Variants in ABCA3 observed in about 807,000 individuals in gnomAD.
ABCA3 encodes ATP binding cassette subfamily A member 3.
Under a neutral mutation model 172.8 loss-of-function variants are expected in ABCA3, and 88 were observed. The observed-to-expected ratio is 0.51, with a 90% CI of 0.43 to 0.61. The LOEUF is 0.61. ABCA3 is among the 20% of genes least tolerant of loss of function. The pLI is 0.00. For missense variants in ABCA3, 2,164 were observed against 2,301.0 expected (o/e 0.94, Z 1.22); for synonymous variants, 1,066 against 983.8 (o/e 1.08, Z -1.56).
At position 2,287,017 on chromosome 16, in the gene ABCA3, G is replaced by A. The variant is rs766061298; in HGVS notation, c.3005-50C>T. 1.5e-5 allele frequency: 24 copies of A among 1,585,382 alleles called. No homozygotes were observed. Among genetic ancestry groups the A allele is most frequent in the East Asian group, 6.9e-5 (3 of 43,622 alleles). On this transcript the variant is annotated intron_variant, in intron 21 of 32. Coordinates refer to ENST00000301732, the MANE Select transcript of ABCA3 (RefSeq NM_001089.3). This position sits in a 1 kb window ranked among gnomAD's most constrained non-coding sequence, Gnocchi z 4.1. Reference sequence around the variant, plus strand: ...GGACACAGGAAGAGGTGACACCTGGGCACCCCCTGCCACCTGAGCATGGCT... The same window carrying A: ...GGACACAGGAAGAGGTGACACCTGGACACCCCCTGCCACCTGAGCATGGCT...
chr16:2,280,106 C>T (rs2093652762), intron 28 of ABCA3, among the ~76,000 whole-genome samples: 1 of 152,200 alleles, frequency 6.6e-6, no homozygotes, highest in African/African-American at 2.4e-5. Flanking sequence ...TTGGCTACTA[C>T]CCCCTGCCAC....
At position 2,279,800 on chromosome 16, in the gene ABCA3, G is replaced by A. The variant is rs943719039; in HGVS notation, c.4360-670C>T. On this transcript the variant is annotated intron_variant, in intron 28 of 32. Coordinates refer to ENST00000301732, the MANE Select transcript of ABCA3 (RefSeq NM_001089.3). The surrounding 1 kb of genome is among the most constrained non-coding windows in gnomAD (Gnocchi z 4.4). ...TCTGTCTCCCTTACACTGGTAGAGCGCAGTGGCATGATCTCGGCTCACTAC... is the reference window on the plus strand; with the variant it reads ...TCTGTCTCCCTTACACTGGTAGAGCACAGTGGCATGATCTCGGCTCACTAC... Among the ~76,000 whole-genome samples the A allele has an allele frequency of 2.7e-5, 4 of 150,608 alleles. No homozygotes were observed. Among genetic ancestry groups the A allele is most frequent in the Admixed American group, 6.6e-5 (1 of 15,114 alleles).
At chr16:2,304,425 G>C (rs1184936068) in intron 11 of ABCA3, among the ~76,000 whole-genome samples, 1 of 150,776 alleles carries the variant, frequency 6.6e-6, no homozygotes, top group Non-Finnish European at 1.5e-5. Flanking sequence ...ATGCACATAT[G>C]TACACACGTA....
Position 2,277,220 on chromosome 16 carries a change from C to T in ABCA3, c.4983+377G>A, listed in dbSNP as rs45456192. On this transcript the variant is annotated intron_variant, in intron 32 of 32. Transcript: ENST00000301732. This position sits in a 1 kb window ranked among gnomAD's most constrained non-coding sequence, Gnocchi z 5.3. ...AAGCGATCCTCCCACCTTAGCCTCC[C>T]GAGTGGCTGGGACTACAGGTATGCA... is the stretch of plus-strand genomic sequence containing the variant. 7.8e-3 allele frequency among the ~76,000 whole-genome samples: 1,184 copies of T among 152,210 alleles called. 11 individuals carry two copies. The highest frequency in any genetic ancestry group is 0.027 in the African/African-American group (1,103 of 41,526).
rs528342610 is a variant in ABCA3 at position 2,319,564 on chromosome 16, C to G, written c.873+17G>C. ...GCGCGGTTTCTAGAGTGTTGGGGAG[C>G]CAAAGCGGGCAGTCACCTTCAGCCT... On this transcript the variant is annotated intron_variant, in intron 8 of 32. Coordinates refer to ENST00000301732, the MANE Select transcript of ABCA3 (RefSeq NM_001089.3). The G allele has an allele frequency of 6.2e-7, 1 of 1,608,142 alleles. No homozygotes were observed. The highest frequency in any genetic ancestry group is 8.5e-7 in the Non-Finnish European group (1 of 1,179,808).
rs1260446825 is a variant in ABCA3, at chr16:2,287,935, C to T, written c.3004+91G>A. 3.3e-6 allele frequency: 5 copies of T among 1,510,262 alleles called. No individual in the cohort carries two copies. In the Admixed American group the frequency reaches 8.6e-5, roughly 26 times the overall value. The allele number at this position is 1,510,262 out of a possible 1,614,324, so 93.6% of individuals were successfully genotyped here. On this transcript the variant is annotated intron_variant, in intron 21 of 32. Transcript: ENST00000301732. The surrounding 1 kb of genome is among the most constrained non-coding windows in gnomAD (Gnocchi z 4.1). ...CGGAACAGCCAAGAACCATCCTCCC[C>T]AGATGTCGACCCTGCTGCAGTCAGG... is the stretch of plus-strand genomic sequence containing the variant.
Position 2,309,095 on chromosome 16 carries a change from G to A in ABCA3, c.1112-472C>T, listed in dbSNP as rs550483539. Among the ~76,000 whole-genome samples, 52 of 152,224 alleles carry A rather than the reference G, an allele frequency of 3.4e-4. No individual in the cohort carries two copies. The Middle Eastern group carries it at 0.01, about 30-fold the overall frequency. ...TGAGTAGCTGGGACTACAGGTGCCC[G>A]CCACCACGCCCGGCTAATTTTTTGT... On this transcript the variant is annotated intron_variant, in intron 10 of 32. Transcript: ENST00000301732.
intron 11 of ABCA3, among the ~76,000 whole-genome samples, chr16:2,306,746 C>T (rs369598555): frequency 4.6e-5 from 7 of 151,922 alleles, no homozygotes; most frequent in East Asian, 1.9e-4. Context: ...AAAAAGTGGG[C>T]GGCTCACGCC....
In ABCA3 at chr16:2,306,349, G is replaced by T. The variant is rs1243029212; in HGVS notation, c.1285+2101C>A. 4.6e-5 allele frequency among the ~76,000 whole-genome samples: 7 copies of T among 152,204 alleles called. No individual in the cohort carries two copies. The South Asian group carries it at 1.5e-3, about 32-fold the overall frequency. On this transcript the variant is annotated intron_variant, in intron 11 of 32. Transcript: ENST00000301732. Reference sequence around the variant, plus strand: ...CCAAAAAAAAATTGTTAAAAAGAAAGCAAAAGAACAAAGTTTACATTTTAT... The same window carrying T: ...CCAAAAAAAAATTGTTAAAAAGAAATCAAAAGAACAAAGTTTACATTTTAT...
intron 10 of ABCA3, among the ~76,000 whole-genome samples, chr16:2,312,788 T>A (rs534771987): frequency 1.1e-3 from 168 of 151,316 alleles, no homozygotes; most frequent in Middle Eastern, 3.4e-3. Context: ...CGCCTCGGCC[T>A]CCCAAAGTGC....
At position 2,319,685 on chromosome 16, in the gene ABCA3, C is replaced by A. The variant is rs760756969; in HGVS notation, c.769G>T (p.Val257Leu). The stretch of plus-strand genomic sequence containing the variant: ...AGGGGCAGCTGGTACTGGATGGCCA[C>A]GAGGAAGGGGTCTGCGATGAACGGC... Reference protein sequence around the residue: ...YPPFIADPFLVAIQYQLPLLL... With the variant: ...YPPFIADPFLLAIQYQLPLLL... Residue 257 changes from valine to leucine, a missense_variant, in exon 8 of 33, where the codon GTG (valine) becomes TTG (leucine). By Grantham distance (32) the Val-to-Leu change is conservative (BLOSUM62 1). This residue lies in a region of ABCA3 where 1,343 missense variants were observed against 1,369.6 expected (regional missense o/e 0.98). Coordinates refer to ENST00000301732, the MANE Select transcript of ABCA3 (RefSeq NM_001089.3). 2.8e-5 allele frequency: 45 copies of A among 1,613,742 alleles called. No individual in the cohort carries two copies. Among genetic ancestry groups the A allele is most frequent in the Non-Finnish European group, 3.7e-5 (44 of 1,179,976 alleles).
At chr16:2,334,515 ATT>A (rs35067281) in intron 1 of ABCA3, among the ~76,000 whole-genome samples, 97 of 140,606 alleles carry the variant, frequency 6.9e-4, no homozygotes, top group Middle Eastern at 3.7e-3. Flanking sequence ...AACACCAGTA[ATT>A]TTTTTTTTTT....
chr16:2,279,401 G>C lies in ABCA3; in HGVS notation c.4360-271C>G, dbSNP rs1341990952. On this transcript the variant is annotated intron_variant, in intron 28 of 32. Coordinates refer to ENST00000301732, the MANE Select transcript of ABCA3 (RefSeq NM_001089.3). This position sits in a 1 kb window ranked among gnomAD's most constrained non-coding sequence, Gnocchi z 4.4. Reference sequence around the variant, plus strand: ...CCTGGTCCAGGACAGGCAGCCATGGGGTTAGGTGGTGCAAGAATGGCCTTT... The same window carrying C: ...CCTGGTCCAGGACAGGCAGCCATGGCGTTAGGTGGTGCAAGAATGGCCTTT... Among the ~76,000 whole-genome samples, 4 of 152,204 alleles carry C rather than the reference G, an allele frequency of 2.6e-5. No homozygotes were observed. In the East Asian group the frequency reaches 7.7e-4, roughly 29 times the overall value.
chr16:2,333,743 C>T (rs908900281), intron 1 of ABCA3, among the ~76,000 whole-genome samples: 1 of 149,298 alleles, frequency 6.7e-6, no homozygotes, highest in Non-Finnish European at 1.5e-5. Flanking sequence ...GGCTGGACTG[C>T]AGTGGTGTGA....
At chr16:2,324,845 T>G (rs2093731836) in intron 5 of ABCA3, among the ~76,000 whole-genome samples, 1 of 152,190 alleles carries the variant, frequency 6.6e-6, no homozygotes, top group Non-Finnish European at 1.5e-5. Flanking sequence ...CAGTGGGCTC[T>G]GCAGCCCGGG....
chr16:2,282,555 G>A (rs894353572), intron 26 of ABCA3, among the ~76,000 whole-genome samples: 3 of 152,256 alleles, frequency 2.0e-5, no homozygotes, highest in African/African-American at 4.8e-5. Flanking sequence ...GAAAATGAAC[G>A]TTTTCAATAA....
intron 1 of ABCA3, among the ~76,000 whole-genome samples, chr16:2,336,692 G>A (rs1403138705): frequency 6.1e-5 from 9 of 147,152 alleles, no homozygotes; most frequent in Non-Finnish European, 1.3e-4. Flanking sequence ...CACCCACCTC[G>A]GCCTCCCAAA....
rs141650337 is a variant in ABCA3 at position 2,310,654 on chromosome 16, C to G, written c.1112-2031G>C. The stretch of plus-strand genomic sequence containing the variant: ...ACCTCAGCCTCCTGAGTAGCTCGGA[C>G]TACAGGTATGCACCACCGGGCCAGG... On this transcript the variant is annotated intron_variant, in intron 10 of 32. Transcript: ENST00000301732. 1.3e-3 allele frequency among the ~76,000 whole-genome samples: 201 copies of G among 151,604 alleles called. 1 individual carries two copies. The highest frequency in any genetic ancestry group is 4.5e-3 in the African/African-American group (184 of 41,340).
At chr16:2,276,985 C>T (rs536721102) in intron 32 of ABCA3, among the ~76,000 whole-genome samples, 180 bp from the exon 33 acceptor site, 27 of 152,314 alleles carry the variant, frequency 1.8e-4, no homozygotes, top group African/African-American at 5.5e-4. Context: ...AGGTAGAGGA[C>T]GCTGGCTAAG....
Sources: allele counts gnomAD v4.1 joint callset (sites outside exome capture counted in the v4.1 genomes callset), GRCh38; gene constraint gnomAD v4.1.1; regional missense constraint gnomAD v4.1.1; non-coding constraint Gnocchi (gnomAD v3.1); transcripts MANE v1.5; gene names NCBI Gene and HGNC (gene_info 2026-07-23, HGNC 2026-07-21).